Variants in SRCAP observed in about 807,000 individuals in gnomAD.
The protein encoded by SRCAP is Snf2 related CREBBP activator protein, also known as chromatin remodeling protein SRCAP.
A neutral mutation model predicts 263.1 loss-of-function variants in SRCAP; 46 were observed. The observed-to-expected ratio is 0.17, with a 90% CI of 0.14 to 0.22. SRCAP has a LOEUF of 0.22. Ranked by LOEUF, SRCAP falls within the 10% of genes least tolerant of loss-of-function variation. SRCAP has a pLI of 1.00. For missense variants in SRCAP, 3,695 were observed against 4,181.9 expected (o/e 0.88, Z 3.21); for synonymous variants, 1,813 against 1,662.1 (o/e 1.09, Z -2.21).
In SRCAP at chr16:30,737,852, T is replaced by C; in HGVS notation, c.7812T>C (p.Pro2604=). Residue 2604 remains proline, a synonymous_variant, in exon 34 of 34, where the codon CCT becomes CCC. Transcript: ENST00000262518. ...PVSEKNLSLT[P]SAPSLTLEAG... is the part of the protein sequence containing the mutation. ...CAGAGAAGAACCTTTCTCTCACCCC[T>C]TCTGCACCCAGCCTGACCTTGGAGG... 1 of 1,614,174 alleles carries C rather than the reference T, an allele frequency of 6.2e-7. No homozygotes were observed. The highest frequency in any genetic ancestry group is 8.5e-7 in the Non-Finnish European group (1 of 1,180,030).
Position 30,716,281 on chromosome 16 carries a change from C to T in SRCAP, c.2631-12C>T. On this transcript the variant is annotated splice_polypyrimidine_tract_variant and intron_variant, in intron 17 of 33. Transcript: ENST00000262518. ...TGTTAGGACGTCTCATTTATTTTTCCTCTTTCCCCAGAACTAAGGAGACAC... is the reference window on the plus strand; with the variant it reads ...TGTTAGGACGTCTCATTTATTTTTCTTCTTTCCCCAGAACTAAGGAGACAC... 2 of 1,613,416 alleles carry T rather than the reference C, an allele frequency of 1.2e-6. No homozygotes were observed. The highest frequency in any genetic ancestry group is 1.7e-6 in the Non-Finnish European group (2 of 1,179,492).
chr16:30,726,438 C>T (rs2053065303), intron 25 of SRCAP, among the ~76,000 whole-genome samples: 1 of 152,000 alleles, frequency 6.6e-6, no homozygotes, highest in Admixed American at 6.6e-5. Flanking sequence ...AAGGAACTGC[C>T]AGACTTTTCC....
Position 30,739,927 on chromosome 16 carries a change from C to T in SRCAP, c.*194C>T. 2.4e-6 allele frequency: 2 copies of T among 848,940 alleles called. No individual in the cohort carries two copies. Among genetic ancestry groups the T allele is most frequent in the South Asian group, 5.3e-5 (2 of 37,392 alleles). 52.6% of individuals were successfully genotyped at this position (848,940 alleles called of 1,614,324 possible). ...AAATGGGGATCATCACAGTCCCCTT[C>T]CCCTTCACCCCACGTGGCTGGGCAG... On this transcript the variant is annotated 3_prime_UTR_variant, in exon 34 of 34. Transcript: ENST00000262518.
intron 3 of SRCAP, among the ~76,000 whole-genome samples, chr16:30,703,159 A>ATATATATATG (rs1555463068): frequency 2.7e-4 from 41 of 151,254 alleles, no homozygotes; most frequent in African/African-American, 1.0e-3. Flanking sequence ...CTATATATAT[A>ATATATATATG]TATATATATG....
In SRCAP at chr16:30,712,132, A is replaced by G. The variant is rs746246868; in HGVS notation, c.1790A>G (p.Lys597Arg). Residue 597 changes from lysine (K) to arginine (R), a missense_variant, in exon 12 of 34, where the codon AAG becomes AGG. Lys to Arg is a conservative substitution (Grantham distance 26, BLOSUM62 2). This residue lies in a region of SRCAP where 121 missense variants were observed against 330.7 expected (regional missense o/e 0.37). Coordinates refer to ENST00000262518, the MANE Select transcript of SRCAP (RefSeq NM_006662.3). ...IAAAAESLQP[K>R]GYTLATTQVK... ...GCAGCAGCTGAAAGTCTCCAGCCCA[A>G]GGGTTACACGCTGGCCACGACCCAG... The G allele has an allele frequency of 3.1e-6, 5 of 1,614,054 alleles. No individual in the cohort carries two copies. In the Admixed American group the frequency reaches 5.0e-5, roughly 16 times the overall value.
chr16:30,713,890 C>T (rs1278125241), intron 16 of SRCAP, among the ~76,000 whole-genome samples, 179 bp downstream of exon 16: 1 of 140,944 alleles, frequency 7.1e-6, no homozygotes, highest in Non-Finnish European at 1.5e-5. Context: ...TCATCTTAGT[C>T]ATCAATTCTG....
rs2053052793 is a variant in SRCAP, at chr16:30,725,229, T to TC, written c.5658+150dup. 12 of 1,400,718 alleles carry TC rather than the reference T, an allele frequency of 8.6e-6. No homozygotes were observed. In the South Asian group the frequency reaches 1.4e-4, roughly 16 times the overall value. The allele number at this position is 1,400,718 out of a possible 1,614,324, so 86.8% of individuals were successfully genotyped here. On this transcript the variant is annotated intron_variant, in intron 25 of 33. Transcript: ENST00000262518. Reference sequence around the variant, plus strand: ...AGTACTTGAGTGACATTTGGACAAGTCCCTTCTCTTCCCTGGGCGTGTACC... The same window carrying TC: ...AGTACTTGAGTGACATTTGGACAAGTCCCCTTCTCTTCCCTGGGCGTGTACC...
At chr16:30,715,768 T>C (rs1487755267) in intron 16 of SRCAP, among the ~76,000 whole-genome samples, 2 of 152,208 alleles carry the variant, frequency 1.3e-5, no homozygotes, top group African/African-American at 2.4e-5. Context: ...TCTAGATTTA[T>C]TTGCATCATC....
At chr16:30,708,912 A>G (rs568247381) in intron 6 of SRCAP, among the ~76,000 whole-genome samples, 241 of 152,232 alleles carry the variant, frequency 1.6e-3, no homozygotes, top group Admixed American at 3.6e-3. Context: ...TCTGCCTCCC[A>G]GGTTCAAGCG....
At position 30,710,144 on chromosome 16, in the gene SRCAP, G is replaced by T. The variant is rs757478671; in HGVS notation, c.1134+16G>T. On this transcript the variant is annotated intron_variant, in intron 8 of 33. Coordinates refer to ENST00000262518, the MANE Select transcript of SRCAP (RefSeq NM_006662.3). ...GGTGTTGGAGGTATAGGCAGAAGGA[G>T]CAGAGGGAGGGTTCAGAGGGGGAAC... 1.9e-6 allele frequency: 3 copies of T among 1,608,556 alleles called. No individual in the cohort carries two copies. The highest frequency in any genetic ancestry group is 2.2e-5 in the South Asian group (2 of 90,836).
intron 4 of SRCAP, among the ~76,000 whole-genome samples, chr16:30,705,041 C>T (rs911858194): frequency 2.0e-5 from 3 of 152,324 alleles, no homozygotes; most frequent in Non-Finnish European, 4.4e-5. Flanking sequence ...TGGCTCATGC[C>T]TGTAATCCCA....
At chr16:30,719,364 T>G (rs1418634914) in intron 18 of SRCAP, among the ~76,000 whole-genome samples, 1 of 150,182 alleles carries the variant, frequency 6.7e-6, no homozygotes, top group Non-Finnish European at 1.5e-5. Context: ...TACAGGCACG[T>G]GCCACCACGC....
chr16:30,707,272 C>T lies in SRCAP; in HGVS notation c.396C>T (p.Arg132=), dbSNP rs781277085. 8.1e-6 allele frequency: 13 copies of T among 1,614,022 alleles called. No homozygotes were observed. The highest frequency in any genetic ancestry group is 1.1e-5 in the Non-Finnish European group (13 of 1,180,038). Residue 132 remains arginine (R), a synonymous_variant, in exon 5 of 34, where the codon CGC becomes CGT. Transcript: ENST00000262518. ...TGCCTAAGGTGCCAGAGCCCCCTCGCCCCAAAGGTCACTGGGACTATTTGT... is the reference window on the plus strand; with the variant it reads ...TGCCTAAGGTGCCAGAGCCCCCTCGTCCCAAAGGTCACTGGGACTATTTGT... The part of the protein sequence containing the change: ...KRLPKVPEPP[R]PKGHWDYLCE...
rs1296085527 is a variant in SRCAP, at chr16:30,734,489, C to G, written c.6610-7C>G. 6.2e-7 allele frequency: 1 copy of G among 1,614,014 alleles called. No homozygotes were observed. Among genetic ancestry groups the G allele is most frequent in the Admixed American group, 1.7e-5 (1 of 59,974 alleles). On this transcript the variant is annotated splice_region_variant and splice_polypyrimidine_tract_variant and intron_variant, in intron 30 of 33. Coordinates refer to ENST00000262518, the MANE Select transcript of SRCAP (RefSeq NM_006662.3). ...ACTCTGACACTTCCCTCTGTTCTAT[C>G]CGATAGCAGACCATCCGAGAGCTGT...
At chr16:30,708,851 G>A (rs971743368) in intron 6 of SRCAP, among the ~76,000 whole-genome samples, 2 of 151,296 alleles carry the variant, frequency 1.3e-5, no homozygotes, top group Non-Finnish European at 1.5e-5. Context: ...ACGGAGTCTC[G>A]CTTTGTTCCC....
At chr16:30,703,822 G>A (rs918995836) in intron 3 of SRCAP, among the ~76,000 whole-genome samples, 6 of 152,192 alleles carry the variant, frequency 3.9e-5, no homozygotes, top group South Asian at 2.1e-4. Context: ...GCATGAACCC[G>A]GGAGGCGGAG....
rs767462545 is a variant in SRCAP at position 30,733,875 on chromosome 16, G to A, written c.6495-19G>A. The A allele has an allele frequency of 5.0e-6, 8 of 1,613,306 alleles. No individual in the cohort carries two copies. The highest frequency in any genetic ancestry group is 2.7e-5 in the African/African-American group (2 of 74,830). ...TGGATATATTTGGCTGCTTACACAC[G>A]GCCTTCATCACCCCCTAGGCTTATC... On this transcript the variant is annotated intron_variant, in intron 29 of 33. Coordinates refer to ENST00000262518, the MANE Select transcript of SRCAP (RefSeq NM_006662.3). The surrounding 1 kb of genome is among the most constrained non-coding windows in gnomAD (Gnocchi z 5.3).
chr16:30,713,678 G>A lies in SRCAP; in HGVS notation c.2460G>A (p.Glu820=), dbSNP rs1248013909. The A allele has an allele frequency of 6.2e-7, 1 of 1,614,138 alleles. No homozygotes were observed. The highest frequency in any genetic ancestry group is 1.7e-5 in the Admixed American group (1 of 60,018). Residue 820 remains glutamate (E), a synonymous_variant, in exon 16 of 34, where the codon GAG becomes GAA. Coordinates refer to ENST00000262518, the MANE Select transcript of SRCAP (RefSeq NM_006662.3). ...CTGGCATGATTGAGGGCAGCCAAGA[G>A]TATAATGAAGGTCTAGTCAAACGCC... is the stretch of plus-strand genomic sequence containing the variant. ...PLTGMIEGSQ[E]YNEGLVKRLH...
intron 31 of SRCAP, among the ~76,000 whole-genome samples, chr16:30,735,336 C>T (rs1409360968): frequency 1.3e-5 from 2 of 150,532 alleles, no homozygotes; most frequent in East Asian, 2.0e-4. Context: ...TTAGTAGAGA[C>T]AGGGTTTCAC....
Sources: gnomAD v4.1 joint callset for allele counts (sites outside exome capture counted in the v4.1 genomes callset) on GRCh38, gnomAD v4.1.1 for gene constraint, gnomAD v4.1.1 regional missense constraint, Gnocchi (gnomAD v3.1) non-coding constraint, MANE v1.5 for transcripts, NCBI Gene and HGNC (gene_info 2026-07-23, HGNC 2026-07-21) for gene names.